PPP1R12B: variants seen among roughly 807,000 people sequenced by gnomAD.
PPP1R12B encodes protein phosphatase 1 regulatory subunit 12B, also known as myosin phosphatase target subunit 2.
Under a neutral mutation model 126.1 loss-of-function variants are expected in PPP1R12B, and 76 were observed. That is an observed-to-expected ratio of 0.60 (90% confidence interval 0.50 to 0.73). PPP1R12B has a LOEUF of 0.73. Among genes scored for constraint, PPP1R12B ranks in the 30% least tolerant of loss-of-function variants. PPP1R12B has a pLI of 0.00. For missense variants in PPP1R12B, 1,052 were observed against 1,205.1 expected, an observed-to-expected ratio of 0.87 and a Z score of 1.88; for synonymous variants, 356 against 434.7, an observed-to-expected ratio of 0.82 and a Z score of 2.25.
chr1:202,511,222 GT>G (rs1253795454), intron 18 of PPP1R12B, among the ~76,000 whole-genome samples: 3,386 of 143,942 alleles, frequency 0.024, 124 homozygotes, highest in African/African-American at 0.079. Flanking sequence ...CCACTATGTA[GT>G]TTTTTTTTTT....
chr1:202,532,365 C>A (rs1264615494), intron 18 of PPP1R12B, among the ~76,000 whole-genome samples: 2 of 152,284 alleles, frequency 1.3e-5, no homozygotes, highest in South Asian at 4.1e-4. Flanking sequence ...CCTGTCTCAT[C>A]CTGTGACTGA....
At chr1:202,522,390 T>TA (rs777530383) in intron 18 of PPP1R12B, among the ~76,000 whole-genome samples, 28 of 151,974 alleles carry the variant, frequency 1.8e-4, no homozygotes, top group Non-Finnish European at 3.2e-4. Context: ...TATAGACTTT[T>TA]AAAAAATATA....
intron 18 of PPP1R12B, among the ~76,000 whole-genome samples, chr1:202,526,694 C>A (rs1203131839): frequency 6.6e-6 from 1 of 151,938 alleles, no homozygotes; most frequent in Non-Finnish European, 1.5e-5. Context: ...TTCAGGATCA[C>A]CCTAGTAGAA....
chr1:202,577,606 T>C (rs1268116901), intron 23 of PPP1R12B, among the ~76,000 whole-genome samples: 4 of 152,074 alleles, frequency 2.6e-5, no homozygotes, highest in Admixed American at 2.6e-4. Context: ...AAAAATCATC[T>C]TATCTCAGCA....
intron 1 of PPP1R12B, among the ~76,000 whole-genome samples, chr1:202,408,217 T>C (rs915889280): frequency 5.9e-5 from 9 of 152,152 alleles, no homozygotes; most frequent in South Asian, 2.1e-4. Context: ...CTTAGAAATG[T>C]TGGGTTTCAC....
intron 18 of PPP1R12B, among the ~76,000 whole-genome samples, chr1:202,555,286 G>T (rs1686766731): frequency 8.9e-6 from 1 of 112,110 alleles, no homozygotes; most frequent in Admixed American, 1.3e-4. Context: ...TAATGGCTAA[G>T]ATTGATGCTT....
At chr1:202,516,364 G>T (rs1446746674) in intron 18 of PPP1R12B, among the ~76,000 whole-genome samples, 1 of 152,134 alleles carries the variant, frequency 6.6e-6, no homozygotes, top group Non-Finnish European at 1.5e-5. Context: ...GGGTTGGAAA[G>T]ATAAATTATA....
intron 1 of PPP1R12B, among the ~76,000 whole-genome samples, chr1:202,401,013 A>C (rs1665741812): frequency 6.6e-6 from 1 of 152,186 alleles, no homozygotes; most frequent in Non-Finnish European, 1.5e-5. Context: ...ATATTTTGTG[A>C]TATGTGCAAC....
At chr1:202,455,473 CTT>C (rs1390410145) in intron 13 of PPP1R12B, among the ~76,000 whole-genome samples, 1 of 152,126 alleles carries the variant, frequency 6.6e-6, no homozygotes, top group Non-Finnish European at 1.5e-5. Flanking sequence ...AAAATACAAT[CTT>C]TTGTGCCTGA....
In PPP1R12B at chr1:202,456,813, A is replaced by G. The variant is rs907390754; in HGVS notation, c.1850+7642A>G. 3.3e-5 allele frequency among the ~76,000 whole-genome samples: 5 copies of G among 152,336 alleles called. 1 individual carries two copies. On this transcript the variant is annotated intron_variant, in intron 13 of 23. Transcript: ENST00000608999. ...CTTGAAACTCTGGGGCCCTGGCACA[A>G]GTAAATTCAAAACCACCTTGAAGGA...
rs538128094 is a variant in PPP1R12B at position 202,463,257 on chromosome 1, T to G, written c.1850+14086T>G. On this transcript the variant is annotated intron_variant, in intron 13 of 23. Coordinates refer to ENST00000608999, the MANE Select transcript of PPP1R12B (RefSeq NM_002481.4). Reference sequence around the variant, plus strand: ...CAGTTTGGAACTTCTCTAGTGTTTCTTCACATTACTAATGAATTTAAACAT... The same window carrying G: ...CAGTTTGGAACTTCTCTAGTGTTTCGTCACATTACTAATGAATTTAAACAT... 3.3e-5 allele frequency among the ~76,000 whole-genome samples: 5 copies of G among 152,288 alleles called. No individual in the cohort carries two copies. In the South Asian group the frequency reaches 1.0e-3, roughly 32 times the overall value.
intron 15 of PPP1R12B, among the ~76,000 whole-genome samples, chr1:202,493,949 C>T (rs993535770): frequency 6.6e-6 from 1 of 152,160 alleles, no homozygotes; most frequent in Non-Finnish European, 1.5e-5. Context: ...TGTTTCATTT[C>T]TCTAGTGGAG....
intron 13 of PPP1R12B, among the ~76,000 whole-genome samples, chr1:202,461,856 T>C (rs1391091875): frequency 6.6e-6 from 1 of 152,168 alleles, no homozygotes; most frequent in African/African-American, 2.4e-5. Context: ...TGAACATTTA[T>C]ATGAGGCAAG....
chr1:202,477,884 T>TA (rs375290719), intron 13 of PPP1R12B, among the ~76,000 whole-genome samples: 48 of 152,346 alleles, frequency 3.2e-4, no homozygotes, highest in African/African-American at 1.1e-3. Context: ...ACATAGTAGA[T>TA]AGAGATGGTA....
intron 13 of PPP1R12B, among the ~76,000 whole-genome samples, chr1:202,484,774 A>G (rs1677849615): frequency 6.6e-6 from 1 of 152,102 alleles, no homozygotes; most frequent in Non-Finnish European, 1.5e-5. Flanking sequence ...CTTGGCTGAC[A>G]GGTTCATTTT....
At chr1:202,412,416 G>A (rs1046825844) in intron 1 of PPP1R12B, among the ~76,000 whole-genome samples, 1 of 152,226 alleles carries the variant, frequency 6.6e-6, no homozygotes, top group African/African-American at 2.4e-5. Context: ...GGAGGAAAGA[G>A]AAAAGACAAG....
intron 10 of PPP1R12B, chr1:202,438,847 C>A: frequency 9.2e-7 from 1 of 1,087,034 alleles, no homozygotes; most frequent in Non-Finnish European, 1.4e-6. Flanking sequence ...GCCATGGTCA[C>A]TGCTGACTCC....
chr1:202,512,538 C>G (rs1475231195), intron 18 of PPP1R12B, among the ~76,000 whole-genome samples: 2 of 152,184 alleles, frequency 1.3e-5, no homozygotes, highest in African/African-American at 4.8e-5. Context: ...GTAATTTAAC[C>G]TCTCTGAGCT....
At chr1:202,383,849 G>T (rs550212059) in intron 1 of PPP1R12B, among the ~76,000 whole-genome samples, 204 of 152,096 alleles carry the variant, frequency 1.3e-3, no homozygotes, top group Admixed American at 2.1e-3. Context: ...TTACATTGTT[G>T]TGTGGTAGCC....
Sources: allele counts gnomAD v4.1 joint callset (sites outside exome capture counted in the v4.1 genomes callset), GRCh38; gene constraint gnomAD v4.1.1; transcripts MANE v1.5; gene names NCBI Gene and HGNC (gene_info 2026-07-23, HGNC 2026-07-21).